The following EML4 variants were observed in gnomAD, a reference collection of about 807,000 sequenced individuals.
EML4 encodes echinoderm microtubule-associated protein-like 4.
In EML4, 72 loss-of-function variants were observed where a neutral mutation model predicts 129.0. The ratio of observed to expected loss-of-function variants is 0.56; its 90% CI spans 0.46 to 0.68. The LOEUF is 0.68. EML4 is among the 30% of genes least tolerant of loss of function. EML4 has a pLI of 0.00. For missense variants in EML4, 1,363 were observed against 1,190.6 expected (o/e 1.14, Z -2.13); for synonymous variants, 532 against 405.0 (o/e 1.31, Z -3.77).
At chr2:42,210,212 C>T (rs1672809773) in intron 1 of EML4, among the ~76,000 whole-genome samples, 1 of 152,166 alleles carries the variant, frequency 6.6e-6, no homozygotes, top group South Asian at 2.1e-4. Flanking sequence ...TCCGTAGGCT[C>T]TTGGCTATGA....
intron 1 of EML4, among the ~76,000 whole-genome samples, chr2:42,190,336 T>G (rs1318327043): frequency 3.9e-5 from 6 of 152,100 alleles, no homozygotes; most frequent in Non-Finnish European, 5.9e-5. Context: ...TGATGAAAGA[T>G]AATGGTGACT....
chr2:42,175,513 G>GT (rs1443257308), intron 1 of EML4, among the ~76,000 whole-genome samples: 1 of 150,272 alleles, frequency 6.7e-6, no homozygotes, highest in Non-Finnish European at 1.5e-5. Context: ...ATTTTATTTT[G>GT]TTTTTTTGAG....
Position 42,263,398 on chromosome 2 carries a change from C to CTTTTTTTTTTTTTTTTTTTTTTTT in EML4, c.641+94_641+117dup, listed in dbSNP as rs67401314. The CTTTTTTTTTTTTTTTTTTTTTTTT allele has an allele frequency of 1.5e-5, 3 of 202,600 alleles. 1 individual carries two copies. The highest frequency in any genetic ancestry group is 8.3e-5 in the African/African-American group (2 of 24,126). The allele number at this position is 202,600 out of a possible 1,614,324, so 12.6% of individuals were successfully genotyped here. On this transcript the variant is annotated intron_variant, in intron 5 of 22. Transcript: ENST00000318522. The stretch of plus-strand genomic sequence containing the variant: ...ACAGTTATGTATGTCTGGTTTGAAT[C>CTTTTTTTTTTTTTTTTTTTTTTTT]TTTTTTTTTTTTTTTTTTTTTTTTT...
intron 11 of EML4, 67 bp downstream of exon 11, chr2:42,288,389 T>A: frequency 1.2e-6 from 1 of 801,946 alleles, no homozygotes; most frequent in South Asian, 1.6e-5. Context: ...TATTTGGAAC[T>A]ATATTGGTAT....
chr2:42,325,612 A>ATGCTATGAT (rs1669762047), intron 20 of EML4, 58 bp downstream of exon 20: 1 of 51,316 alleles, frequency 1.9e-5, no homozygotes. Flanking sequence ...TTATATATAT[A>ATGCTATGAT]TATATATATA....
Position 42,293,486 on chromosome 2 carries a change from C to T in EML4, c.1219-1639C>T, listed in dbSNP as rs148217329. Among the ~76,000 whole-genome samples, 434 of 152,162 alleles carry T rather than the reference C, an allele frequency of 2.9e-3. 4 individuals carry two copies. Among genetic ancestry groups the T allele is most frequent in the African/African-American group, 9.2e-3 (382 of 41,492 alleles). On this transcript the variant is annotated intron_variant, in intron 11 of 22. Transcript: ENST00000318522. ...AATGTTAAGTAACAGAAATGTAAAA[C>T]TCATGGAAATATTGGAACTGTGAGG...
At chr2:42,282,180 AT>A (rs35217351) in intron 7 of EML4, among the ~76,000 whole-genome samples, 2,830 of 145,350 alleles carry the variant, frequency 0.019, 96 homozygotes, top group African/African-American at 0.065. Flanking sequence ...ATATTTGGTG[AT>A]TTTTTTTTTT....
chr2:42,261,469 T>G, intron 4 of EML4, 175 bp downstream of exon 4: 1 of 394,186 alleles, frequency 2.5e-6, no homozygotes, highest in Non-Finnish European at 4.3e-6. Context: ...AATAAAGAAT[T>G]AAGGTCACAA....
intron 17 of EML4, among the ~76,000 whole-genome samples, chr2:42,315,151 C>G (rs1387611608): frequency 6.6e-6 from 1 of 152,152 alleles, no homozygotes; most frequent in Non-Finnish European, 1.5e-5. Context: ...AGCTGCTGTT[C>G]CTCCTGCCTA....
intron 17 of EML4, among the ~76,000 whole-genome samples, chr2:42,312,651 T>G (rs903501460): frequency 1.2e-4 from 18 of 151,940 alleles, no homozygotes; most frequent in Non-Finnish European, 4.4e-5. Context: ...CCTCCCGGGT[T>G]TAAATGATTC....
At chr2:42,251,015 C>T (rs1005697556) in intron 2 of EML4, among the ~76,000 whole-genome samples, 23 of 152,166 alleles carry the variant, frequency 1.5e-4, no homozygotes, top group Non-Finnish European at 2.2e-4. Context: ...AATCTAATAC[C>T]GCCACTGATC....
intron 2 of EML4, among the ~76,000 whole-genome samples, chr2:42,255,208 C>T (rs905138833): frequency 7.2e-5 from 11 of 152,076 alleles, no homozygotes; most frequent in African/African-American, 2.4e-4. Context: ...GCCTCAGCCT[C>T]CCAAGTAGCT....
intron 15 of EML4, 21 bp downstream of exon 15, chr2:42,303,250 C>T (rs745646748): frequency 3.1e-5 from 50 of 1,613,742 alleles, no homozygotes; most frequent in Non-Finnish European, 3.4e-5. Flanking sequence ...TGATATTAAC[C>T]GTTAACTGAA....
At chr2:42,298,506 A>G (rs780457372) in intron 13 of EML4, among the ~76,000 whole-genome samples, 1 of 152,212 alleles carries the variant, frequency 6.6e-6, no homozygotes, top group Non-Finnish European at 1.5e-5. Context: ...CTTTGGCTAT[A>G]AATTTGTTTT....
chr2:42,298,815 C>T (rs1668101607), intron 13 of EML4, among the ~76,000 whole-genome samples: 1 of 152,044 alleles, frequency 6.6e-6, no homozygotes, highest in Non-Finnish European at 1.5e-5. Context: ...TTCTTACATT[C>T]TGATAGAGAA....
chr2:42,269,258 T>C (rs534261130), intron 6 of EML4, among the ~76,000 whole-genome samples: 1 of 152,328 alleles, frequency 6.6e-6, no homozygotes, highest in South Asian at 2.1e-4. Flanking sequence ...TCAAATAATT[T>C]AAAAATAAAT....
At chr2:42,280,100 T>C (rs987663254) in intron 6 of EML4, among the ~76,000 whole-genome samples, 11 of 152,322 alleles carry the variant, frequency 7.2e-5, no homozygotes, top group East Asian at 1.9e-4. Flanking sequence ...GAAAAAGTTA[T>C]GCCGTTTAAC....
intron 1 of EML4, among the ~76,000 whole-genome samples, chr2:42,240,123 A>C (rs78992314): frequency 6.6e-6 from 1 of 152,106 alleles, no homozygotes; most frequent in African/African-American, 2.4e-5. Context: ...TTAGTAATCT[A>C]TGATAGAAAT....
intron 6 of EML4, among the ~76,000 whole-genome samples, chr2:42,268,532 G>C (rs1345635805): frequency 6.6e-6 from 1 of 152,126 alleles, no homozygotes; most frequent in Non-Finnish European, 1.5e-5. Context: ...TGAACTCCGA[G>C]CTTGAGTGAC....
Sources: gnomAD v4.1 joint callset for allele counts (sites outside exome capture counted in the v4.1 genomes callset) on GRCh38, gnomAD v4.1.1 for gene constraint, MANE v1.5 for transcripts, NCBI Gene and HGNC (gene_info 2026-07-23, HGNC 2026-07-21) for gene names.